The following OR2I1 variants were observed in gnomAD, a reference collection of about 807,000 sequenced individuals.
The protein encoded by OR2I1 is putative olfactory receptor 2I1.
At chr6:29,556,222 C>T in the OR2I1 span, 1,697 of 1,613,070 alleles carry the variant, frequency 1.1e-3, 1 homozygote, top group Middle Eastern at 1.6e-3. Context: ...TCTTGGAGCC[C>T]AGCAAAAGAA....
At chr6:29,557,011 C>T in the OR2I1 span, 1 of 151,982 alleles carries the variant, frequency 6.6e-6, no homozygotes, top group Non-Finnish European at 1.5e-5. Context: ...GTTGGATATG[C>T]CTCATTGTAT....
At chr6:29,551,565 G>A in the OR2I1 span, among the ~76,000 whole-genome samples, 4 of 152,296 alleles carry the variant, frequency 2.6e-5, no homozygotes, top group South Asian at 8.3e-4. Flanking sequence ...CATAGCAGTT[G>A]TATCACTGCC....
the OR2I1 span, chr6:29,556,389 C>A: frequency 6.6e-7 from 1 of 1,520,094 alleles, no homozygotes; most frequent in Non-Finnish European, 9.0e-7. Flanking sequence ...CCTAGGATGC[C>A]TGCCTCCTTT....
At chr6:29,555,134 T>C in the OR2I1 span, 3 of 152,192 alleles carry the variant, frequency 2.0e-5, no homozygotes, top group African/African-American at 7.2e-5. Context: ...GCTCCCAATG[T>C]CCATCTACCC....
chr6:29,557,442 T>G, the OR2I1 span: 2 of 152,242 alleles, frequency 1.3e-5, no homozygotes, highest in African/African-American at 4.8e-5. Flanking sequence ...TGCCTTTGTG[T>G]CCCTGCTTCA....
At chr6:29,551,281 AT>A in the OR2I1 span, among the ~76,000 whole-genome samples, 1 of 152,216 alleles carries the variant, frequency 6.6e-6, no homozygotes, top group African/African-American at 2.4e-5. Flanking sequence ...ATGACCCCAA[AT>A]TATAAAATGA....
At chr6:29,557,411 T>A in the OR2I1 span, 1 of 152,224 alleles carries the variant, frequency 6.6e-6, no homozygotes, top group East Asian at 1.9e-4. Flanking sequence ...CTGGCTAGTT[T>A]ACAGAAGCTG....
At chr6:29,552,504 A>T in the OR2I1 span, among the ~76,000 whole-genome samples, 1 of 152,186 alleles carries the variant, frequency 6.6e-6, no homozygotes, top group African/African-American at 2.4e-5. Flanking sequence ...ATTAAAAATC[A>T]GTAATCAGCC....
At chr6:29,554,037 C>T in the OR2I1 span, 1 of 398,758 alleles carries the variant, frequency 2.5e-6, no homozygotes, top group Non-Finnish European at 4.4e-6. Context: ...GGGGCAAGTT[C>T]GTATCGCTCT....
the OR2I1 span, chr6:29,553,010 G>C: frequency 0.48 from 181,386 of 376,384 alleles, 45,220 homozygotes; most frequent in South Asian, 0.63. Flanking sequence ...GTGTTGGCCA[G>C]GCCAAGCTTG....
chr6:29,554,222 T>C, the OR2I1 span: 2 of 398,288 alleles, frequency 5.0e-6, no homozygotes, highest in African/African-American at 2.1e-5. Flanking sequence ...AAATACCCCT[T>C]AGTGAGTCAG....
At chr6:29,556,699 G>A in the OR2I1 span, 1 of 235,342 alleles carries the variant, frequency 4.2e-6, no homozygotes, top group Admixed American at 5.0e-5. Flanking sequence ...GCTTACACCT[G>A]TAATCCCAGA....
At chr6:29,555,783 A>G in the OR2I1 span, 1 of 961,120 alleles carries the variant, frequency 1.0e-6, no homozygotes, top group Non-Finnish European at 1.6e-6. Context: ...TCTCATTCTC[A>G]TTAATTTTGG....
chr6:29,556,423 G>T, the OR2I1 span: 1 of 1,110,808 alleles, frequency 9.0e-7, no homozygotes, highest in Non-Finnish European at 1.3e-6. Context: ...CCACCACAAT[G>T]GCTCCCCCTC....
chr6:29,554,112 G>A, the OR2I1 span: 1 of 399,148 alleles, frequency 2.5e-6, no homozygotes, highest in Non-Finnish European at 4.4e-6. Flanking sequence ...AGAAAGTGAA[G>A]GGGGCAGCGA....
chr6:29,553,647 G>A, the OR2I1 span: 1 of 398,436 alleles, frequency 2.5e-6, no homozygotes, highest in Non-Finnish European at 4.4e-6. Context: ...GTCGCACGCT[G>A]GCCAGCGCCT....
chr6:29,557,494 TAA>T, the OR2I1 span: 1 of 152,254 alleles, frequency 6.6e-6, no homozygotes, highest in Admixed American at 6.5e-5. Context: ...AATTAAATGT[TAA>T]GTCTCCACTT....
chr6:29,553,898 G>T, the OR2I1 span: 5 of 398,646 alleles, frequency 1.3e-5, no homozygotes, highest in Non-Finnish European at 2.2e-5. Flanking sequence ...GCTGTCTGTT[G>T]CATGCGGTTC....
the OR2I1 span, chr6:29,553,641 C>T: frequency 7.5e-6 from 3 of 398,318 alleles, no homozygotes; most frequent in African/African-American, 6.2e-5. Flanking sequence ...GCCTATGTCG[C>T]ACGCTGGCCA....
Sources: allele counts gnomAD v4.1 joint callset (sites outside exome capture counted in the v4.1 genomes callset), GRCh38; gene constraint gnomAD v4.1.1; transcripts MANE v1.5; gene names NCBI Gene and HGNC (gene_info 2026-07-23, HGNC 2026-07-21).